SRGN: variants seen among roughly 807,000 people sequenced by gnomAD.
SRGN encodes the protein serglycin.
A neutral mutation model predicts 9.5 loss-of-function variants in SRGN; 2 were observed. The ratio of observed to expected loss-of-function variants is 0.21; its 90% CI spans 0.09 to 0.66. The LOEUF is 0.66. SRGN is among the 30% of genes least tolerant of loss of function. The probability of loss-of-function intolerance (pLI) is 0.83; values close to 1 mark genes in which losing one functional copy is unlikely to be tolerated. For synonymous variants in SRGN, 59 were observed against 72.3 expected (o/e 0.82, Z 0.93); for missense variants, 170 against 192.4 (o/e 0.88, Z 0.69).
chr10:69,095,890 C>T lies in SRGN; in HGVS notation c.80-1194C>T, dbSNP rs138055951. On this transcript the variant is annotated intron_variant, in intron 1 of 2. Coordinates refer to ENST00000242465, the MANE Select transcript of SRGN (RefSeq NM_002727.4). ...TCGTGACAGTGCACTCCAGCCTGGG[C>T]GACACAGCAAGACTCTCTCTCAATA... Among the ~76,000 whole-genome samples the T allele has an allele frequency of 4.9e-3, 728 of 149,768 alleles. 7 individuals are homozygous for T. The highest frequency in any genetic ancestry group is 0.017 in the African/African-American group (703 of 41,036).
intron 2 of SRGN, among the ~76,000 whole-genome samples, chr10:69,097,522 G>A (rs2805912): frequency 0.74 from 110,225 of 149,094 alleles, 42,998 homozygotes; most frequent in Non-Finnish European, 0.88. Context: ...CACCTCCTGG[G>A]TTCACGCCAT....
intron 1 of SRGN, among the ~76,000 whole-genome samples, chr10:69,093,456 T>C (rs1267547582): frequency 6.6e-6 from 1 of 152,214 alleles, no homozygotes; most frequent in Non-Finnish European, 1.5e-5. Context: ...GTCTAGACAG[T>C]ACAAGGTGTG....
At chr10:69,096,378 A>G (rs1338220484) in intron 1 of SRGN, among the ~76,000 whole-genome samples, 1 of 152,200 alleles carries the variant, frequency 6.6e-6, no homozygotes, top group African/African-American at 2.4e-5. Context: ...ACTGTGTTAA[A>G]TTCTCTAAGT....
At position 69,099,305 on chromosome 10, in the gene SRGN, T is replaced by G. The variant is rs574304685; in HGVS notation, c.227+2074T>G. Among the ~76,000 whole-genome samples, 3 of 100,214 alleles carry G rather than the reference T, an allele frequency of 3.0e-5. No homozygotes were observed. In the South Asian group the frequency reaches 1.1e-3, roughly 36 times the overall value. The allele number at this position is 100,214 out of a possible 152,430, so 65.7% of individuals were successfully genotyped here. ...ACTTTGGGATCCTGGCAACTTTCTC[T>G]TTTGTTTTTTTTTTTTTTTGAGACA... On this transcript the variant is annotated intron_variant, in intron 2 of 2. Transcript: ENST00000242465.
At chr10:69,102,890 G>A (rs1198256439) in intron 2 of SRGN, among the ~76,000 whole-genome samples, 3 of 152,080 alleles carry the variant, frequency 2.0e-5, no homozygotes, top group Non-Finnish European at 2.9e-5. Flanking sequence ...TTTAATTTAG[G>A]AAAAAATGTC....
intron 2 of SRGN, 37 bp from the exon 3 acceptor site, chr10:69,103,834 C>T (rs1249087859): frequency 6.2e-7 from 1 of 1,605,626 alleles, no homozygotes; most frequent in South Asian, 1.1e-5. Flanking sequence ...ATATCAAACT[C>T]CACTGGTTTT....
In SRGN at chr10:69,104,046, T is replaced by A. The variant is rs1840346535; in HGVS notation, c.403T>A (p.Ser135Thr). ...TGATGCTTTCCATGACAACCTTAGG[T>A]CTCTTGACAGGAATCTGCCCTCAGA... ...ESDAFHDNLRSLDRNLPSDSQ... is the reference protein window; with the variant it reads ...ESDAFHDNLRTLDRNLPSDSQ... The change falls in exon 3 of 3, where the codon TCT becomes ACT. Residue 135 changes from serine to threonine, a missense_variant. Coordinates refer to ENST00000242465, the MANE Select transcript of SRGN (RefSeq NM_002727.4). 12 of 1,614,138 alleles carry A rather than the reference T, an allele frequency of 7.4e-6. No individual in the cohort carries two copies. The highest frequency in any genetic ancestry group is 9.3e-6 in the Non-Finnish European group (11 of 1,180,034).
intron 1 of SRGN, among the ~76,000 whole-genome samples, chr10:69,094,261 C>A (rs1840129138): frequency 6.6e-6 from 1 of 152,024 alleles, no homozygotes; most frequent in Admixed American, 6.6e-5. Flanking sequence ...AACAGCTCTC[C>A]CAGACCAGAC....
intron 1 of SRGN, among the ~76,000 whole-genome samples, chr10:69,096,701 T>A (rs1840182351): frequency 1.3e-5 from 2 of 152,068 alleles, no homozygotes; most frequent in Admixed American, 6.6e-5. Flanking sequence ...GCGGGTGGGG[T>A]GCAGTTGCTC....
At chr10:69,096,447 C>T (rs1316520798) in intron 1 of SRGN, among the ~76,000 whole-genome samples, 2 of 152,170 alleles carry the variant, frequency 1.3e-5, no homozygotes, top group Non-Finnish European at 2.9e-5. Flanking sequence ...CTTCATATTA[C>T]AGTGAGGGTT....
In SRGN at chr10:69,103,984, C is replaced by T. The variant is rs149209475; in HGVS notation, c.341C>T (p.Thr114Met). The change falls in exon 3 of 3, where the codon ACG (threonine) becomes ATG (methionine). Residue 114 changes from threonine (T) to methionine (M), a missense_variant. Transcript: ENST00000242465. ...TCAGGATCTGGGAGTGGCTTCCTAA[C>T]GGAAATGGAACAGGATTACCAACTA... ...SGSGSGSGFL[T>M]EMEQDYQLVD... 157 of 1,614,136 alleles carry T rather than the reference C, an allele frequency of 9.7e-5. No individual in the cohort carries two copies. Among genetic ancestry groups the T allele is most frequent in the South Asian group, 7.1e-4 (65 of 91,086 alleles).
chr10:69,090,226 C>T (rs1840023219), intron 1 of SRGN, among the ~76,000 whole-genome samples: 1 of 152,304 alleles, frequency 6.6e-6, no homozygotes, highest in Admixed American at 6.5e-5. Flanking sequence ...CTCACACCTC[C>T]ACGCAATGCC....
chr10:69,093,651 G>A (rs950970376), intron 1 of SRGN, among the ~76,000 whole-genome samples: 10 of 152,196 alleles, frequency 6.6e-5, no homozygotes, highest in Non-Finnish European at 2.9e-5. Context: ...GCCAAGGCGA[G>A]GGGATCACGA....
At chr10:69,093,347 A>G (rs1840104187) in intron 1 of SRGN, among the ~76,000 whole-genome samples, 1 of 152,248 alleles carries the variant, frequency 6.6e-6, no homozygotes, top group African/African-American at 2.4e-5. Flanking sequence ...GTTAAATAAA[A>G]TTAATTTCAC....
In SRGN at chr10:69,097,080, G is replaced by T. The variant is rs1011901303; in HGVS notation, c.80-4G>T. 1 of 1,613,140 alleles carries T rather than the reference G, an allele frequency of 6.2e-7. No individual in the cohort carries two copies. The highest frequency in any genetic ancestry group is 8.5e-7 in the Non-Finnish European group (1 of 1,179,596). On this transcript the variant is annotated splice_region_variant and splice_polypyrimidine_tract_variant and intron_variant, in intron 1 of 2. Transcript: ENST00000242465. The stretch of plus-strand genomic sequence containing the variant: ...CTTAGTAACAATGTGGGTTCCTCGG[G>T]CAGGTTATCCTACGCGGAGAGCCAG...
chr10:69,091,477 G>A (rs190716291), intron 1 of SRGN, among the ~76,000 whole-genome samples: 9 of 152,206 alleles, frequency 5.9e-5, no homozygotes, highest in African/African-American at 1.4e-4. Context: ...AAGTAACTCC[G>A]GCTTAGATAA....
chr10:69,092,906 C>T (rs1442608282), intron 1 of SRGN, among the ~76,000 whole-genome samples: 4 of 151,944 alleles, frequency 2.6e-5, no homozygotes, highest in African/African-American at 7.2e-5. Context: ...AGAAAGCCTT[C>T]GTTACGAATT....
intron 2 of SRGN, among the ~76,000 whole-genome samples, chr10:69,100,512 C>A (rs1422571850): frequency 2.6e-5 from 4 of 151,768 alleles, no homozygotes; most frequent in Non-Finnish European, 5.9e-5. Flanking sequence ...CACACCATTC[C>A]TCCTCTTCTC....
intron 2 of SRGN, among the ~76,000 whole-genome samples, chr10:69,103,216 G>C (rs547519422): frequency 2.0e-5 from 3 of 151,940 alleles, no homozygotes; most frequent in African/African-American, 7.2e-5. Context: ...TTGGATTACA[G>C]ACATGAGCCA....
Sources: gnomAD v4.1 joint callset for allele counts (sites outside exome capture counted in the v4.1 genomes callset) on GRCh38, gnomAD v4.1.1 for gene constraint, MANE v1.5 for transcripts, NCBI Gene and HGNC (gene_info 2026-07-23, HGNC 2026-07-21) for gene names.